CNOT4: variants seen among roughly 807,000 people sequenced by gnomAD.
CNOT4 encodes the protein CCR4-NOT transcription complex subunit 4, also known as CCR4-associated factor 4.
CNOT4 carries 8 observed loss-of-function variants against 73.8 expected under a neutral mutation model. The observed-to-expected ratio is 0.11, with a 90% confidence interval of 0.06 to 0.20. The LOEUF (loss-of-function observed/expected upper bound fraction) is 0.20. Ranked by LOEUF, CNOT4 falls within the 10% of genes least tolerant of loss-of-function variation. CNOT4 has a pLI of 1.00. For missense variants in CNOT4, 564 were observed against 883.4 expected (o/e 0.64, Z 4.58); for synonymous variants, 293 against 321.1 (o/e 0.91, Z 0.94).
rs199552823 is a variant in CNOT4 at position 135,410,569 on chromosome 7, G to A, written c.767C>T (p.Thr256Met). 5.7e-5 allele frequency: 90 copies of A among 1,580,582 alleles called. No homozygotes were observed. Among genetic ancestry groups the A allele is most frequent in the African/African-American group, 1.2e-4 (9 of 73,006 alleles). ...GTTCTTATTTTTATCAACTGAACCC[G>A]TAGATAGCTGAAGAAAATTGGGATT... ...KLNPNFLQLS[T>M]GSVDKNKNKV... The change falls in exon 7 of 12, where the codon ACG becomes ATG. Residue 256 changes from threonine to methionine, a missense_variant. Transcript: ENST00000541284.
intron 1 of CNOT4, among the ~76,000 whole-genome samples, chr7:135,456,090 C>T (rs1294336622): frequency 5.3e-5 from 8 of 152,186 alleles, no homozygotes; most frequent in Non-Finnish European, 7.3e-5. Flanking sequence ...TTATGCTTTA[C>T]TGGCCATTCA....
chr7:135,447,903 GT>G (rs199765608), intron 1 of CNOT4, among the ~76,000 whole-genome samples: 2,209 of 152,258 alleles, frequency 0.015, 20 homozygotes, highest in Non-Finnish European at 0.022. Flanking sequence ...CTAGAGTATT[GT>G]TAAAGACAAT....
At chr7:135,481,895 G>C (rs1361411888) in intron 1 of CNOT4, among the ~76,000 whole-genome samples, 1 of 152,116 alleles carries the variant, frequency 6.6e-6, no homozygotes, top group Non-Finnish European at 1.5e-5. Context: ...TCTTATAGAA[G>C]TAGCAAATAG....
chr7:135,454,504 T>G (rs1199636695), intron 1 of CNOT4, among the ~76,000 whole-genome samples: 1 of 118,668 alleles, frequency 8.4e-6, no homozygotes, highest in Non-Finnish European at 1.8e-5. Flanking sequence ...AATAAAAAAT[T>G]AATTAAAAAA....
intron 1 of CNOT4, among the ~76,000 whole-genome samples, chr7:135,502,477 G>A (rs1428503493): frequency 1.3e-5 from 2 of 152,160 alleles, no homozygotes; most frequent in East Asian, 1.9e-4. Flanking sequence ...AAGAAGTTCT[G>A]CCAAATTTTC....
intron 1 of CNOT4, among the ~76,000 whole-genome samples, chr7:135,457,654 T>C (rs77693675): frequency 0.075 from 11,404 of 152,194 alleles, 613 homozygotes; most frequent in Middle Eastern, 0.14. Context: ...ATATCTGTTC[T>C]CTTTGTGACT....
intron 1 of CNOT4, among the ~76,000 whole-genome samples, chr7:135,448,275 T>C (rs138340959): frequency 2.3e-4 from 35 of 152,268 alleles, no homozygotes; most frequent in Non-Finnish European, 5.0e-4. Context: ...CTGAGTGTGG[T>C]GGCTCACGCC....
intron 1 of CNOT4, among the ~76,000 whole-genome samples, chr7:135,449,638 T>A (rs183374106): frequency 6.6e-6 from 1 of 152,264 alleles, no homozygotes; most frequent in Non-Finnish European, 1.5e-5. Flanking sequence ...CAGTAATGTA[T>A]CTTCAAGATA....
chr7:135,438,919 C>G (rs140269804), intron 1 of CNOT4, among the ~76,000 whole-genome samples: 1 of 152,028 alleles, frequency 6.6e-6, no homozygotes, highest in African/African-American at 2.4e-5. Flanking sequence ...CTCAGAAAAA[C>G]TCGGATGCCA....
Position 135,388,773 on chromosome 7 carries a change from C to A in CNOT4, c.1627+5145G>T, listed in dbSNP as rs572326937. On this transcript the variant is annotated intron_variant, in intron 10 of 11. Coordinates refer to ENST00000541284, the MANE Select transcript of CNOT4 (RefSeq NM_001190850.2). The stretch of plus-strand genomic sequence containing the variant: ...CCATGCAAGCACCCCAGAGTCTAAT[C>A]CTCTCCTCTCAGTTCTGTTGTCAGG... 5.0e-6 allele frequency: 8 copies of A among 1,608,456 alleles called. No individual in the cohort carries two copies. In the South Asian group the frequency reaches 7.7e-5, roughly 16 times the overall value.
intron 1 of CNOT4, among the ~76,000 whole-genome samples, chr7:135,503,456 C>CAA (rs58546257): frequency 0.024 from 3,247 of 133,154 alleles, 117 homozygotes; most frequent in African/African-American, 0.076. Flanking sequence ...GAGACCATCT[C>CAA]AAAAAAAAAA....
At chr7:135,446,109 G>A (rs759645533) in intron 1 of CNOT4, among the ~76,000 whole-genome samples, 1 of 152,002 alleles carries the variant, frequency 6.6e-6, no homozygotes, top group Non-Finnish European at 1.5e-5. Context: ...CTTGAACTCC[G>A]GGCTCAAGTG....
chr7:135,384,678 T>A (rs745815772), intron 10 of CNOT4: 1 of 765,304 alleles, frequency 1.3e-6, no homozygotes, highest in South Asian at 1.3e-5. Context: ...AATGAGCCTA[T>A]CTTCTCTTCA....
rs143377623 is a variant in CNOT4 at position 135,446,388 on chromosome 7, A to G, written c.-92-7965T>C. On this transcript the variant is annotated intron_variant, in intron 1 of 11. Transcript: ENST00000541284. ...AATGTACTTAATGCCACTGAACTGT[A>G]CATTTGAAAATGGTTAAAATGGTAA... is the stretch of plus-strand genomic sequence containing the variant. 2.9e-3 allele frequency among the ~76,000 whole-genome samples: 446 copies of G among 152,348 alleles called. 1 individual carries two copies. The highest frequency in any genetic ancestry group is 0.01 in the African/African-American group (430 of 41,578).
At chr7:135,477,177 C>T (rs1015434964) in intron 1 of CNOT4, among the ~76,000 whole-genome samples, 5 of 151,874 alleles carry the variant, frequency 3.3e-5, no homozygotes, top group African/African-American at 9.7e-5. Flanking sequence ...ACCCCGTCTC[C>T]GTTAAAAATA....
At chr7:135,371,228 C>T (rs1341558592) in intron 10 of CNOT4, among the ~76,000 whole-genome samples, 1 of 152,200 alleles carries the variant, frequency 6.6e-6, no homozygotes, top group African/African-American at 2.4e-5. Flanking sequence ...CAATTAAAAT[C>T]AGTCTGACTC....
chr7:135,468,704 T>C (rs1437727198), intron 1 of CNOT4, among the ~76,000 whole-genome samples: 2 of 134,938 alleles, frequency 1.5e-5, no homozygotes, highest in South Asian at 2.4e-4. Context: ...AAAAAAAAAA[T>C]TTACACATCT....
intron 2 of CNOT4, among the ~76,000 whole-genome samples, chr7:135,435,064 A>C (rs949224180): frequency 6.6e-6 from 1 of 152,152 alleles, no homozygotes; most frequent in Non-Finnish European, 1.5e-5. Context: ...TATTTTCTGT[A>C]ATTGTAAAAT....
chr7:135,367,957 T>C (rs148972223), intron 10 of CNOT4, among the ~76,000 whole-genome samples: 222 of 151,164 alleles, frequency 1.5e-3, no homozygotes, highest in Non-Finnish European at 2.8e-3. Context: ...TATTTAGATG[T>C]TTTCTGATGT....
Sources: gnomAD v4.1 joint callset for allele counts (sites outside exome capture counted in the v4.1 genomes callset) on GRCh38, gnomAD v4.1.1 for gene constraint, MANE v1.5 for transcripts, NCBI Gene and HGNC (gene_info 2026-07-23, HGNC 2026-07-21) for gene names.